The following TBC1D31 variants were observed in gnomAD, a reference collection of about 807,000 sequenced individuals.
TBC1D31 encodes the protein WD repeat domain 67.
TBC1D31 carries 99 observed loss-of-function variants against 132.9 expected under a neutral mutation model. That is an observed-to-expected ratio of 0.74 (90% CI 0.63 to 0.88). The LOEUF (loss-of-function observed/expected upper bound fraction) is 0.88. Among genes scored for constraint, TBC1D31 ranks in the 40% least tolerant of loss-of-function variants. TBC1D31 has a pLI of 0.00. For missense variants in TBC1D31, 1,134 were observed against 1,256.6 expected (o/e 0.90, Z 1.48); for synonymous variants, 385 against 419.4 (o/e 0.92, Z 1.00).
chr8:123,081,821 G>A (rs919952416), intron 2 of TBC1D31, among the ~76,000 whole-genome samples: 2 of 152,132 alleles, frequency 1.3e-5, no homozygotes, highest in Admixed American at 1.3e-4. Context: ...TCACTACCAT[G>A]AGAACAGTGT....
Position 123,109,546 on chromosome 8 carries a change from G to T in TBC1D31, c.1362G>T (p.Gly454=). ...HTAFSTLIDK[G]THVAFLNLQK... Reference sequence around the variant, plus strand: ...CGTTTAGTACCCTCATAGATAAGGGGACTCATGTGGCATTTCTCAACCTTC... The same window carrying T: ...CGTTTAGTACCCTCATAGATAAGGGTACTCATGTGGCATTTCTCAACCTTC... The change falls in exon 10 of 22, where the codon GGG becomes GGT. Residue 454 remains glycine (G), a synonymous_variant. Coordinates refer to ENST00000287380, the MANE Select transcript of TBC1D31 (RefSeq NM_145647.4). 1 of 1,613,306 alleles carries T rather than the reference G, an allele frequency of 6.2e-7. No homozygotes were observed. Among genetic ancestry groups the T allele is most frequent in the Non-Finnish European group, 8.5e-7 (1 of 1,179,328 alleles).
At chr8:123,130,589 CAGTT>C (rs1291000125) in intron 16 of TBC1D31, among the ~76,000 whole-genome samples, 4 of 151,330 alleles carry the variant, frequency 2.6e-5, no homozygotes, top group Non-Finnish European at 5.9e-5. Context: ...ATATCAGTAT[CAGTT>C]AGCCATTAAG....
At chr8:123,076,498 G>A (rs1947209889) in intron 1 of TBC1D31, among the ~76,000 whole-genome samples, 1 of 152,064 alleles carries the variant, frequency 6.6e-6, no homozygotes. Flanking sequence ...ATTAATGTGG[G>A]TTTTAAAGAA....
chr8:123,130,324 T>C lies in TBC1D31; in HGVS notation c.2397T>C (p.Ile799=). The C allele has an allele frequency of 1.2e-6, 2 of 1,611,062 alleles. No homozygotes were observed. The highest frequency in any genetic ancestry group is 1.7e-6 in the Non-Finnish European group (2 of 1,178,598). Residue 799 remains isoleucine, a synonymous_variant, in exon 16 of 22, where the codon ATT becomes ATC. Coordinates refer to ENST00000287380, the MANE Select transcript of TBC1D31 (RefSeq NM_145647.4). The part of the protein sequence containing the change: ...EMELRRLDDE[I]GRKVYMRDRE... ...AACTAAGAAGACTGGATGATGAAAT[T>C]GGGAGAAAGGTTTATTATTCTTAAC...
chr8:123,133,180 C>T (rs1325070531), intron 16 of TBC1D31, among the ~76,000 whole-genome samples: 6 of 152,208 alleles, frequency 3.9e-5, no homozygotes, highest in African/African-American at 9.7e-5. Flanking sequence ...CAAAGCTGAT[C>T]GGTTTTTGCT....
chr8:123,119,480 G>A (rs1819265734), intron 10 of TBC1D31, among the ~76,000 whole-genome samples: 2 of 152,214 alleles, frequency 1.3e-5, no homozygotes, highest in African/African-American at 4.8e-5. Context: ...GGAAGCTGAG[G>A]CGGGAAGATC....
chr8:123,147,111 G>A (rs1822288363), intron 20 of TBC1D31, among the ~76,000 whole-genome samples: 1 of 151,848 alleles, frequency 6.6e-6, no homozygotes, highest in South Asian at 2.1e-4. Flanking sequence ...GCTTACAAAA[G>A]ATACTAATCA....
chr8:123,154,042 A>G (rs1822928786), downstream of TBC1D31, among the ~76,000 whole-genome samples: 1 of 152,256 alleles, frequency 6.6e-6, no homozygotes, highest in Non-Finnish European at 1.5e-5. Flanking sequence ...TTTCTCTAGT[A>G]TGAATTCTCC....
chr8:123,117,024 TCTAGGAGTGCCTGGGC>T (rs1287262099), intron 10 of TBC1D31, among the ~76,000 whole-genome samples: 1 of 152,104 alleles, frequency 6.6e-6, no homozygotes, highest in Non-Finnish European at 1.5e-5. Context: ...GGACAAAAGT[TCTAGGAGTGCCTGGGC>T]ACGGTGGCTC....
downstream of TBC1D31, among the ~76,000 whole-genome samples, chr8:123,157,059 C>T (rs868060545): frequency 6.6e-6 from 1 of 152,240 alleles, no homozygotes. Flanking sequence ...CTTTCCTGGA[C>T]ACTCGGGCCG....
chr8:123,163,892 C>T, the TBC1D31 span, among the ~76,000 whole-genome samples: 52 of 152,266 alleles, frequency 3.4e-4, no homozygotes, highest in East Asian at 9.8e-3. Flanking sequence ...GAAACCATTG[C>T]TACTTTCTAG....
At chr8:123,156,712 C>G (rs1822998562), downstream of TBC1D31, among the ~76,000 whole-genome samples, 1 of 152,142 alleles carries the variant, frequency 6.6e-6, no homozygotes, top group Admixed American at 6.5e-5. Context: ...TCCCTGACAC[C>G]CCTCTCCCAG....
chr8:123,101,662 C>A (rs1185083225), intron 7 of TBC1D31, among the ~76,000 whole-genome samples: 1 of 152,156 alleles, frequency 6.6e-6, no homozygotes, highest in Non-Finnish European at 1.5e-5. Flanking sequence ...ATCCACCCAC[C>A]TTGGCTTCCC....
chr8:123,082,562 AC>A (rs1215734974), intron 2 of TBC1D31, 139 bp from the exon 3 acceptor site: 17 of 615,224 alleles, frequency 2.8e-5, no homozygotes, highest in African/African-American at 7.4e-5. Context: ...GGCACATAGC[AC>A]CCTTCATAAT....
intron 20 of TBC1D31, among the ~76,000 whole-genome samples, chr8:123,145,525 G>C (rs1436578267): frequency 1.3e-5 from 2 of 152,070 alleles, no homozygotes; most frequent in Non-Finnish European, 2.9e-5. Context: ...TTCGATACAA[G>C]GCTTACAGTG....
chr8:123,104,000 A>C (rs1378643733), intron 7 of TBC1D31: 1 of 151,936 alleles, frequency 6.6e-6, no homozygotes, highest in African/African-American at 2.4e-5. Flanking sequence ...TTTTCTTGTC[A>C]TTGGAGAATT....
chr8:123,135,425 C>T (rs1820998141), intron 17 of TBC1D31, among the ~76,000 whole-genome samples: 1 of 152,162 alleles, frequency 6.6e-6, no homozygotes, highest in South Asian at 2.1e-4. Context: ...CACAGCAAGA[C>T]CCCATCTCTA....
At chr8:123,158,018 CTTT>C in the TBC1D31 span, among the ~76,000 whole-genome samples, 370 of 117,664 alleles carry the variant, frequency 3.1e-3, 1 homozygote, top group African/African-American at 6.2e-3. Flanking sequence ...TTTTTTCTTC[CTTT>C]TTTTTTTTTT....
At chr8:123,157,319 C>A in the TBC1D31 span, among the ~76,000 whole-genome samples, 151 of 152,256 alleles carry the variant, frequency 9.9e-4, no homozygotes, top group Non-Finnish European at 1.6e-3. Context: ...TAAGGGTTTC[C>A]GGACGGATCA....
Sources: gnomAD v4.1 joint callset for allele counts (sites outside exome capture counted in the v4.1 genomes callset) on GRCh38, gnomAD v4.1.1 for gene constraint, MANE v1.5 for transcripts, NCBI Gene and HGNC (gene_info 2026-07-23, HGNC 2026-07-21) for gene names.